The following RAB7B variants were observed in gnomAD, a reference collection of about 807,000 sequenced individuals.
RAB7B encodes the protein RAB7B, member RAS oncogene family.
At chr1:205,988,227 T>G (rs1417604599) in intron 4 of RAB7B, among the ~76,000 whole-genome samples, 4 of 124,338 alleles carry the variant, frequency 3.2e-5, no homozygotes, top group South Asian at 5.7e-4. Context: ...TATGTGTGTG[T>G]GGGTTTTTTT....
rs1660508124 is a variant in RAB7B, at chr1:205,982,258, A to G, written c.522+3282T>C. On this transcript the variant is annotated intron_variant, in intron 5 of 5. Coordinates refer to ENST00000617070, the MANE Select transcript of RAB7B (RefSeq NM_001164522.3). Reference sequence around the variant, plus strand: ...GGAATCACTAATCCATTGTCCCTTCATTTGCCAAGCTAGAAACCTGGTCAT... The same window carrying G: ...GGAATCACTAATCCATTGTCCCTTCGTTTGCCAAGCTAGAAACCTGGTCAT... Among the ~76,000 whole-genome samples, 3 of 152,024 alleles carry G rather than the reference A, an allele frequency of 2.0e-5. No homozygotes were observed. In the South Asian group the frequency reaches 6.2e-4, roughly 32 times the overall value.
At chr1:205,995,254 T>A (rs1660791420) in intron 1 of RAB7B, among the ~76,000 whole-genome samples, 1 of 151,870 alleles carries the variant, frequency 6.6e-6, no homozygotes, top group Non-Finnish European at 1.5e-5. Flanking sequence ...ACTTAAAGTA[T>A]AATAATAACT....
At chr1:205,983,181 C>T (rs1185709739) in intron 5 of RAB7B, among the ~76,000 whole-genome samples, 8 of 152,182 alleles carry the variant, frequency 5.3e-5, no homozygotes, top group East Asian at 1.9e-4. Context: ...CATTCCTCCA[C>T]GCCAGGTGTC....
intron 5 of RAB7B, among the ~76,000 whole-genome samples, chr1:205,984,905 C>T (rs1467212049): frequency 6.6e-6 from 1 of 152,094 alleles, no homozygotes; most frequent in African/African-American, 2.4e-5. Context: ...CCTCCCAGCC[C>T]CCTCTCCTTC....
intron 4 of RAB7B, among the ~76,000 whole-genome samples, chr1:205,986,017 G>A (rs888885180): frequency 1.1e-4 from 17 of 152,258 alleles, no homozygotes; most frequent in African/African-American, 4.1e-4. Flanking sequence ...CGGAATTACA[G>A]CCCACTGCAC....
chr1:205,978,698 A>G lies in RAB7B; in HGVS notation c.*153T>C, dbSNP rs1660431322. The G allele has an allele frequency of 2.5e-6, 1 of 392,422 alleles. No individual in the cohort carries two copies. The highest frequency in any genetic ancestry group is 2.1e-5 in the African/African-American group (1 of 48,478). 24.3% of individuals were successfully genotyped at this position (392,422 alleles called of 1,614,324 possible). A position where few individuals can be genotyped will look rare whatever the true frequency, so the allele number is the denominator to read the frequency against. ...GCCCTCTGACTCTGGGCCCAGCACC[A>G]GGGTCAAGGGCTCTGCCGCAGAGCT... On this transcript the variant is annotated 3_prime_UTR_variant, in exon 6 of 6. Transcript: ENST00000617070.
Position 205,978,693 on chromosome 1 carries a change from G to T in RAB7B, c.*158C>A, listed in dbSNP as rs1660430984. Reference sequence around the variant, plus strand: ...GGGCTGCCCTCTGACTCTGGGCCCAGCACCAGGGTCAAGGGCTCTGCCGCA... The same window carrying T: ...GGGCTGCCCTCTGACTCTGGGCCCATCACCAGGGTCAAGGGCTCTGCCGCA... On this transcript the variant is annotated 3_prime_UTR_variant, in exon 6 of 6. Transcript: ENST00000617070. 2.5e-6 allele frequency: 1 copy of T among 392,642 alleles called. No homozygotes were observed. The highest frequency in any genetic ancestry group is 2.1e-5 in the African/African-American group (1 of 48,496). 24.3% of individuals were successfully genotyped at this position (392,642 alleles called of 1,614,324 possible).
chr1:205,989,117 C>G (rs1353852179), intron 4 of RAB7B, among the ~76,000 whole-genome samples: 3 of 151,788 alleles, frequency 2.0e-5, no homozygotes, highest in Non-Finnish European at 4.4e-5. Context: ...AGACAGGCTC[C>G]CCTCTCCTCC....
chr1:205,984,014 T>G (rs1660545473), intron 5 of RAB7B: 1 of 152,254 alleles, frequency 6.6e-6, no homozygotes, highest in African/African-American at 2.4e-5. Flanking sequence ...GCACTGTGCT[T>G]GTGGAGGATT....
At chr1:205,979,350 C>T (rs1180729919) in intron 5 of RAB7B, among the ~76,000 whole-genome samples, 1 of 152,190 alleles carries the variant, frequency 6.6e-6, no homozygotes, top group Non-Finnish European at 1.5e-5. Context: ...CTCCCCTACT[C>T]ATGCCTAGAA....
At chr1:205,987,568 C>A (rs1031572903) in intron 4 of RAB7B, among the ~76,000 whole-genome samples, 1 of 152,066 alleles carries the variant, frequency 6.6e-6, no homozygotes, top group East Asian at 1.9e-4. Flanking sequence ...ATTACTAAAC[C>A]ATTAAACCAT....
chr1:205,985,805 C>CCAGGCCCACCAGGCCCACCATCCCCAA (rs1660592240), intron 4 of RAB7B, 140 bp from the exon 5 acceptor site: 1 of 377,192 alleles, frequency 2.7e-6, no homozygotes, highest in Non-Finnish European at 4.6e-6. Context: ...ACCATCCCCA[C>CCAGGCCCACCAGGCCCACCATCCCCAA]CAGGCCCACC....
In RAB7B at chr1:205,977,322, G is replaced by C. The variant is rs1660399098; in HGVS notation, c.*1529C>G. 6.6e-6 allele frequency: 1 copy of C among 152,186 alleles called. No homozygotes were observed. The highest frequency in any genetic ancestry group is 6.5e-5 in the Admixed American group (1 of 15,278). The allele number at this position is 152,186 out of a possible 1,614,324, so 9.4% of individuals were successfully genotyped here. ...CAGGGAGGGAGACTCCTTGCAGTGA[G>C]CTTTCTTGCATTTCATTCTAGTATT... On this transcript the variant is annotated 3_prime_UTR_variant, in exon 6 of 6. Coordinates refer to ENST00000617070, the MANE Select transcript of RAB7B (RefSeq NM_001164522.3).
At chr1:205,994,214 T>G in intron 1 of RAB7B, 63 bp from the exon 2 acceptor site, 2 of 398,176 alleles carry the variant, frequency 5.0e-6, no homozygotes, top group Non-Finnish European at 8.9e-6. Flanking sequence ...TGTCACTGAG[T>G]GTGGCCTCTG....
At chr1:205,987,152 T>A (rs1363062801) in intron 4 of RAB7B, among the ~76,000 whole-genome samples, 1 of 152,090 alleles carries the variant, frequency 6.6e-6, no homozygotes, top group Admixed American at 6.6e-5. Flanking sequence ...CACCCCAACC[T>A]CAGAAAGCTG....
intron 4 of RAB7B, among the ~76,000 whole-genome samples, chr1:205,986,199 C>T (rs1660601226): frequency 6.6e-6 from 1 of 152,222 alleles, no homozygotes; most frequent in South Asian, 2.1e-4. Context: ...TGTTGCTGGG[C>T]AGAGACTCGG....
At chr1:206,002,599 G>T (rs1463016697) in intron 1 of RAB7B, among the ~76,000 whole-genome samples, 5 of 152,164 alleles carry the variant, frequency 3.3e-5, no homozygotes, top group African/African-American at 1.2e-4. Context: ...TAAGCCCAAA[G>T]AAATTATTTG....
chr1:205,979,430 C>G (rs967214498), intron 5 of RAB7B, among the ~76,000 whole-genome samples: 167 of 152,248 alleles, frequency 1.1e-3, no homozygotes, highest in African/African-American at 3.9e-3. Flanking sequence ...ATGTTTCTCC[C>G]GGGCCCTTTT....
intron 1 of RAB7B, among the ~76,000 whole-genome samples, chr1:205,998,760 T>C (rs1489511945): frequency 6.6e-6 from 1 of 152,224 alleles, no homozygotes; most frequent in Non-Finnish European, 1.5e-5. Context: ...AAATACACAA[T>C]AGCATTGTCA....
Sources: allele counts gnomAD v4.1 joint callset (sites outside exome capture counted in the v4.1 genomes callset), GRCh38; gene constraint gnomAD v4.1.1; transcripts MANE v1.5; gene names NCBI Gene and HGNC (gene_info 2026-07-23, HGNC 2026-07-21).